TMEM40: variants seen among roughly 807,000 people sequenced by gnomAD.
TMEM40 encodes the protein transmembrane protein 40.
TMEM40 carries 34 observed loss-of-function variants against 40.8 expected under a neutral mutation model. The ratio of observed to expected loss-of-function variants is 0.83; its 90% confidence interval spans 0.63 to 1.11. The LOEUF (loss-of-function observed/expected upper bound fraction) is 1.11. TMEM40 is among the 50% of genes least tolerant of loss of function. The pLI, the probability that TMEM40 is intolerant of heterozygous loss-of-function variation, is 0.00. For synonymous variants in TMEM40, 106 were observed against 107.0 expected (o/e 0.99, Z 0.06); for missense variants, 296 against 280.2 (o/e 1.06, Z -0.40).
intron 7 of TMEM40, 71 bp from the exon 8 acceptor site, chr3:12,737,825 C>G: frequency 6.9e-7 from 1 of 1,457,102 alleles, no homozygotes; most frequent in Non-Finnish European, 9.6e-7. Flanking sequence ...TTTTCCCTGC[C>G]TCATTGAGAA....
chr3:12,763,338 G>C (rs2061581294), upstream of TMEM40, among the ~76,000 whole-genome samples: 1 of 152,180 alleles, frequency 6.6e-6, no homozygotes, highest in East Asian at 1.9e-4. Context: ...CCTGGTACAG[G>C]ATGGATGAAC....
At position 12,745,286 on chromosome 3, in the gene TMEM40, G is replaced by A. The variant is rs1187997097; in HGVS notation, c.212-1297C>T. Reference sequence around the variant, plus strand: ...TTTCACCATGTTAGTGAGGCTGGTCGTGAATTCCTGACCTCAGGTGATCCA... The same window carrying A: ...TTTCACCATGTTAGTGAGGCTGGTCATGAATTCCTGACCTCAGGTGATCCA... On this transcript the variant is annotated intron_variant, in intron 3 of 11. Coordinates refer to ENST00000314124, the MANE Select transcript of TMEM40 (RefSeq NM_018306.4). 2.7e-5 allele frequency among the ~76,000 whole-genome samples: 4 copies of A among 146,444 alleles called. No individual in the cohort carries two copies. The South Asian group carries it at 6.4e-4, about 23-fold the overall frequency.
chr3:12,744,396 C>T, intron 3 of TMEM40, among the ~76,000 whole-genome samples: 1 of 152,156 alleles, frequency 6.6e-6, no homozygotes, highest in Non-Finnish European at 1.5e-5. Context: ...AATATCCTTC[C>T]TGTTTGTCTG....
At chr3:12,763,522 C>T (rs1559536648), upstream of TMEM40, among the ~76,000 whole-genome samples, 1 of 152,188 alleles carries the variant, frequency 6.6e-6, no homozygotes, top group South Asian at 2.1e-4. Context: ...CAGCTGACAG[C>T]CCGGGGGAGC....
intron 2 of TMEM40, among the ~76,000 whole-genome samples, 161 bp from the exon 3 acceptor site, chr3:12,748,953 C>G (rs540551804): frequency 1.6e-4 from 25 of 152,280 alleles, no homozygotes; most frequent in African/African-American, 5.8e-4. Flanking sequence ...GAGACCAAGG[C>G]TCTCAGAGAT....
intron 5 of TMEM40, among the ~76,000 whole-genome samples, chr3:12,739,446 G>A (rs1227420722): frequency 1.3e-5 from 2 of 151,952 alleles, no homozygotes; most frequent in Non-Finnish European, 2.9e-5. Flanking sequence ...CACCACGCCT[G>A]GCTAATTTTT....
Position 12,738,551 on chromosome 3 carries a change from A to T in TMEM40, c.391+2T>A, listed in dbSNP as rs541410103. On this transcript the variant is annotated splice_donor_variant, in intron 6 of 11. Transcript: ENST00000314124. LOFTEE classifies it high-confidence loss of function. Reference sequence around the variant, plus strand: ...ACCTCTCTCCTCTAACTGGACACTCACCTGATTCCCCAGAGGGTACCACCT... The same window carrying T: ...ACCTCTCTCCTCTAACTGGACACTCTCCTGATTCCCCAGAGGGTACCACCT... 3.1e-6 allele frequency: 5 copies of T among 1,613,836 alleles called. No individual in the cohort carries two copies. Among genetic ancestry groups the T allele is most frequent in the Admixed American group, 1.7e-5 (1 of 59,982 alleles).
Position 12,742,536 on chromosome 3 carries a change from A to G in TMEM40, c.302-29T>C, listed in dbSNP as rs769626439. 2.5e-6 allele frequency: 4 copies of G among 1,611,318 alleles called. No homozygotes were observed. In the Admixed American group the frequency reaches 6.7e-5, roughly 27 times the overall value. On this transcript the variant is annotated intron_variant, in intron 4 of 11. Transcript: ENST00000314124. ...GATGGAGACAAACCCCTTAGTCAGC[A>G]CTCCCCAAACACAGTGATCCAGGCC...
intron 5 of TMEM40, among the ~76,000 whole-genome samples, chr3:12,740,689 C>A (rs1391807273): frequency 1.3e-5 from 2 of 151,960 alleles, no homozygotes; most frequent in Non-Finnish European, 2.9e-5. Context: ...AAAACCCTGT[C>A]TCTACCAAAA....
At chr3:12,750,275 A>G (rs1253148977) in intron 1 of TMEM40, among the ~76,000 whole-genome samples, 3 of 151,732 alleles carry the variant, frequency 2.0e-5, no homozygotes, top group African/African-American at 7.3e-5. Context: ...TGTCCAGCCT[A>G]GGTACAATTT....
At chr3:12,755,233 C>CTCTG (rs1553634013) in intron 1 of TMEM40, among the ~76,000 whole-genome samples, 2 of 59,964 alleles carry the variant, frequency 3.3e-5, no homozygotes, top group East Asian at 7.4e-4. Flanking sequence ...CTCTCTCTCT[C>CTCTG]TCTTTCTTTC....
Position 12,755,233 on chromosome 3 carries a change from C to CTCTCTCTGTCTTTCTTTCTT in TMEM40, c.-9+3957_-9+3958insAAGAAAGAAAGACAGAGAGA, listed in dbSNP as rs1553634013. Among the ~76,000 whole-genome samples, 130 of 59,964 alleles carry CTCTCTCTGTCTTTCTTTCTT rather than the reference C, an allele frequency of 2.2e-3. 3 individuals are homozygous for CTCTCTCTGTCTTTCTTTCTT. Among genetic ancestry groups the CTCTCTCTGTCTTTCTTTCTT allele is most frequent in the African/African-American group, 8.8e-3 (124 of 14,066 alleles). 39.3% of individuals were successfully genotyped at this position (59,964 alleles called of 152,430 possible). ...TTTCTTTCTCTCTCTCTCTCTCTCTCTCTTTCTTTCTTTCTTTCTTTCTTT... is the reference window on the plus strand; with the variant it reads ...TTTCTTTCTCTCTCTCTCTCTCTCTCTCTCTCTGTCTTTCTTTCTTTCTTTCTTTCTTTCTTTCTTTCTTT... On this transcript the variant is annotated intron_variant, in intron 1 of 11. Coordinates refer to ENST00000314124, the MANE Select transcript of TMEM40 (RefSeq NM_018306.4).
Position 12,737,712 on chromosome 3 carries a change from T to G in TMEM40, c.467A>C (p.Lys156Thr). ...TGCTACACCAAGTTCCTTACCATCT[T>G]TCTTTATATTCAGTCTTCTTAACTG... Reference protein sequence around the residue: ...ASQLRRLNIKKDDEFFHFVLL... With the variant: ...ASQLRRLNIKTDDEFFHFVLL... Residue 156 changes from lysine to threonine, a missense_variant, in exon 8 of 12, where the codon AAA (lysine) becomes ACA (threonine). Transcript: ENST00000314124. 6.2e-7 allele frequency: 1 copy of G among 1,614,038 alleles called. No individual in the cohort carries two copies.
intron 10 of TMEM40, among the ~76,000 whole-genome samples, chr3:12,736,201 T>C (rs376778196): frequency 6.7e-6 from 1 of 149,366 alleles, no homozygotes. Flanking sequence ...CAGGCTGGAG[T>C]GCAGTGGCAC....
chr3:12,748,671 T>C lies in TMEM40; in HGVS notation c.195A>G (p.Ser65=). 1 of 1,612,020 alleles carries C rather than the reference T, an allele frequency of 6.2e-7. No individual in the cohort carries two copies. Among genetic ancestry groups the C allele is most frequent in the Non-Finnish European group, 8.5e-7 (1 of 1,178,638 alleles). Residue 65 remains serine (S), a synonymous_variant, in exon 3 of 12, where the codon TCA becomes TCG. Transcript: ENST00000314124. The stretch of plus-strand genomic sequence containing the variant: ...CTGCTATACCTGAGGAGGAGGAGGA[T>C]GAAGAAGATGAGGAGGATGAGGAGG... ...SSSSSSSSSS[S]SSSSSESNDE...
intron 5 of TMEM40, chr3:12,739,262 T>A (rs951511513): frequency 6.6e-6 from 1 of 152,162 alleles, no homozygotes; most frequent in African/African-American, 2.4e-5. Context: ...CCTTGACATT[T>A]ACAATTGTAA....
intron 1 of TMEM40, among the ~76,000 whole-genome samples, chr3:12,768,103 G>C (rs184672075): frequency 7.0e-4 from 107 of 152,232 alleles, no homozygotes; most frequent in African/African-American, 2.4e-3. Flanking sequence ...CCTTCTGGTG[G>C]GTTCACGGTC....
At chr3:12,760,737 C>T (rs2061563926), upstream of TMEM40, among the ~76,000 whole-genome samples, 1 of 150,800 alleles carries the variant, frequency 6.6e-6, no homozygotes, top group Admixed American at 6.6e-5. Flanking sequence ...ACAGTAGGTG[C>T]TCACTAATTT....
chr3:12,750,472 G>A (rs962291556), intron 1 of TMEM40, among the ~76,000 whole-genome samples: 71 of 152,162 alleles, frequency 4.7e-4, no homozygotes, highest in Non-Finnish European at 1.8e-4. Context: ...GAGCCCATGT[G>A]CTATGAGTCT....
Sources: allele counts gnomAD v4.1 joint callset (sites outside exome capture counted in the v4.1 genomes callset), GRCh38; gene constraint gnomAD v4.1.1; transcripts MANE v1.5; gene names NCBI Gene and HGNC (gene_info 2026-07-23, HGNC 2026-07-21).